SLC35F3: variants seen among roughly 807,000 people sequenced by gnomAD.
SLC35F3 encodes the protein putative thiamine transporter SLC35F3.
SLC35F3 carries 25 observed loss-of-function variants against 49.9 expected under a neutral mutation model. That is an observed-to-expected ratio of 0.50 (90% CI 0.37 to 0.70). The LOEUF is 0.70. Ranked by LOEUF, SLC35F3 falls within the 30% of genes least tolerant of loss-of-function variation. The probability of loss-of-function intolerance (pLI) is 0.00; values close to 1 mark genes in which losing one functional copy is unlikely to be tolerated. For missense variants in SLC35F3, 525 were observed against 639.8 expected, an observed-to-expected ratio of 0.82 and a Z score of 1.94; for synonymous variants, 275 against 265.4, an observed-to-expected ratio of 1.04 and a Z score of -0.35.
intron 3 of SLC35F3, among the ~76,000 whole-genome samples, chr1:234,235,233 A>G (rs890283385): frequency 2.5e-4 from 38 of 152,338 alleles, no homozygotes; most frequent in Middle Eastern, 3.4e-3. Flanking sequence ...CAGGAGTACA[A>G]TGAGCTGCTT....
At chr1:233,933,687 A>G (rs1448536804) in intron 2 of SLC35F3, among the ~76,000 whole-genome samples, 4 of 152,138 alleles carry the variant, frequency 2.6e-5, no homozygotes, top group Non-Finnish European at 5.9e-5. Flanking sequence ...CCTGTTTCTA[A>G]TAAGTTAGTT....
Position 234,049,068 on chromosome 1 carries a change from C to A in SLC35F3, c.283+143310C>A, listed in dbSNP as rs369850009. Among the ~76,000 whole-genome samples the A allele has an allele frequency of 2.0e-5, 3 of 152,224 alleles. No homozygotes were observed. The South Asian group carries it at 6.2e-4, about 32-fold the overall frequency. On this transcript the variant is annotated intron_variant, in intron 2 of 7. Transcript: ENST00000366618. ...TGATTTAAATCATATTTATATGAAA[C>A]TTTGGGCTTTAGACTTTAGAGTTGA...
At position 233,982,117 on chromosome 1, in the gene SLC35F3, G is replaced by A. The variant is rs368875078; in HGVS notation, c.283+76359G>A. Among the ~76,000 whole-genome samples the A allele has an allele frequency of 3.3e-4, 51 of 152,248 alleles. 1 individual carries two copies. In the South Asian group the frequency reaches 0.01, roughly 31 times the overall value. ...TTTTTAAATTTTTAGTAGAGATGGG[G>A]TTTTGCCATGTTGGCCAGGCTGGTC... is the stretch of plus-strand genomic sequence containing the variant. On this transcript the variant is annotated intron_variant, in intron 2 of 7. Coordinates refer to ENST00000366618, the MANE Select transcript of SLC35F3 (RefSeq NM_173508.4).
chr1:234,128,885 T>C (rs1665689340), intron 2 of SLC35F3, among the ~76,000 whole-genome samples: 1 of 152,230 alleles, frequency 6.6e-6, no homozygotes. Context: ...GGGGCCAGGT[T>C]CTAAAGGTAA....
intron 2 of SLC35F3, among the ~76,000 whole-genome samples, chr1:234,117,746 C>T (rs1172280072): frequency 2.7e-5 from 4 of 149,008 alleles, no homozygotes; most frequent in African/African-American, 7.4e-5. Context: ...ATTAGCCGGG[C>T]GTGGTGGTGG....
intron 2 of SLC35F3, among the ~76,000 whole-genome samples, chr1:234,209,611 AGCAGGATAGG>A (rs1667021473): frequency 6.6e-6 from 1 of 152,168 alleles, no homozygotes; most frequent in African/African-American, 2.4e-5. Context: ...TTTGAGGGGT[AGCAGGATAGG>A]GCAGGGCAGC....
At chr1:234,322,650 C>CGTGTGTGTGTGTGTGTGT (rs55827503) in intron 7 of SLC35F3, among the ~76,000 whole-genome samples, 6 of 144,864 alleles carry the variant, frequency 4.1e-5, no homozygotes, top group African/African-American at 1.3e-4. Context: ...GGGTCAAATG[C>CGTGTGTGTGTGTGTGTGT]GTGTGTGTGT....
intron 2 of SLC35F3, among the ~76,000 whole-genome samples, chr1:233,929,627 T>C (rs540911287): frequency 6.6e-6 from 1 of 152,286 alleles, no homozygotes; most frequent in African/African-American, 2.4e-5. Flanking sequence ...ATGTGGTGGA[T>C]TGAGTGTTTG....
intron 2 of SLC35F3, among the ~76,000 whole-genome samples, chr1:234,075,364 T>C (rs1473108784): frequency 6.6e-6 from 1 of 152,222 alleles, no homozygotes; most frequent in Non-Finnish European, 1.5e-5. Flanking sequence ...GGAAGTGGTC[T>C]CCATCAGCCT....
Position 234,046,863 on chromosome 1 carries a change from T to C in SLC35F3, c.283+141105T>C, listed in dbSNP as rs1004770577. Among the ~76,000 whole-genome samples, 3 of 152,186 alleles carry C rather than the reference T, an allele frequency of 2.0e-5. No individual in the cohort carries two copies. The highest frequency in any genetic ancestry group is 7.2e-5 in the African/African-American group (3 of 41,454). ...TAACTGCAGTGCATCTTGTCAGTTT[T>C]CAAAATTTCACATACACATAGGTTT... On this transcript the variant is annotated intron_variant, in intron 2 of 7. Transcript: ENST00000366618. This position sits in a 1 kb window ranked among gnomAD's most constrained non-coding sequence, Gnocchi z 4.4.
intron 3 of SLC35F3, among the ~76,000 whole-genome samples, chr1:234,284,045 A>G (rs1331685883): frequency 3.3e-5 from 5 of 152,094 alleles, no homozygotes; most frequent in Non-Finnish European, 7.4e-5. Context: ...AGCTGGGACT[A>G]CAGGTGCACA....
intron 2 of SLC35F3, among the ~76,000 whole-genome samples, chr1:234,224,041 C>T (rs561209807): frequency 4.8e-4 from 68 of 141,488 alleles, no homozygotes; most frequent in Middle Eastern, 6.9e-3. Flanking sequence ...CTCATTTAAC[C>T]TTTTTCGGTT....
chr1:234,031,316 A>G (rs890952323), intron 2 of SLC35F3, among the ~76,000 whole-genome samples: 1 of 152,202 alleles, frequency 6.6e-6, no homozygotes, highest in African/African-American at 2.4e-5. Context: ...CCTAGACCCT[A>G]TCACCTATGT....
intron 2 of SLC35F3, among the ~76,000 whole-genome samples, chr1:234,044,715 C>T (rs1664265552): frequency 6.6e-6 from 1 of 152,144 alleles, no homozygotes; most frequent in Non-Finnish European, 1.5e-5. Context: ...ATTAATGTTT[C>T]TTCATCACTG....
At chr1:234,062,998 C>A (rs1398714004) in intron 2 of SLC35F3, among the ~76,000 whole-genome samples, 1 of 151,928 alleles carries the variant, frequency 6.6e-6, no homozygotes, top group African/African-American at 2.4e-5. Context: ...CTAGCAAAAT[C>A]TCTTAATCAA....
At chr1:234,004,462 G>C (rs891662184) in intron 2 of SLC35F3, among the ~76,000 whole-genome samples, 1 of 152,094 alleles carries the variant, frequency 6.6e-6, no homozygotes, top group Admixed American at 6.6e-5. Context: ...TTTAAAGGTA[G>C]TTAATGACAC....
At chr1:234,056,361 A>G (rs1420212219) in intron 2 of SLC35F3, among the ~76,000 whole-genome samples, 1 of 152,038 alleles carries the variant, frequency 6.6e-6, no homozygotes, top group Non-Finnish European at 1.5e-5. Flanking sequence ...CATGTTTTTA[A>G]TAGTTTTTTA....
At chr1:234,055,518 AG>A (rs1212012664) in intron 2 of SLC35F3, among the ~76,000 whole-genome samples, 1 of 152,206 alleles carries the variant, frequency 6.6e-6, no homozygotes, top group Non-Finnish European at 1.5e-5. Flanking sequence ...GCGCAGGATT[AG>A]GGTGGGAGTT....
chr1:234,058,292 G>A (rs1664484973), intron 2 of SLC35F3, among the ~76,000 whole-genome samples: 2 of 110,878 alleles, frequency 1.8e-5, no homozygotes, highest in Non-Finnish European at 3.5e-5. Context: ...GTCTCACTTA[G>A]TTATGGTGTA....
Sources: allele counts gnomAD v4.1 joint callset (sites outside exome capture counted in the v4.1 genomes callset), GRCh38; gene constraint gnomAD v4.1.1; non-coding constraint Gnocchi (gnomAD v3.1); transcripts MANE v1.5; gene names NCBI Gene and HGNC (gene_info 2026-07-23, HGNC 2026-07-21).